Variants in ZPBP observed in about 807,000 individuals in gnomAD.
ZPBP encodes zona pellucida-binding protein 1.
Under a neutral mutation model 44.8 loss-of-function variants are expected in ZPBP, and 26 were observed. The observed-to-expected ratio is 0.58, with a 90% CI of 0.43 to 0.81. ZPBP has a LOEUF of 0.81. ZPBP is among the 30% of genes least tolerant of loss of function. The probability of loss-of-function intolerance (pLI) is 0.00; values close to 1 mark genes in which losing one functional copy is unlikely to be tolerated. For missense variants in ZPBP, 409 were observed against 434.0 expected, an observed-to-expected ratio of 0.94 and a Z score of 0.51; for synonymous variants, 174 against 153.2, an observed-to-expected ratio of 1.14 and a Z score of -1.00.
chr7:49,931,129 G>A (rs1404772776), intron 1 of ZPBP, among the ~76,000 whole-genome samples: 1 of 152,202 alleles, frequency 6.6e-6, no homozygotes, highest in African/African-American at 2.4e-5. Flanking sequence ...CCGCCATGTG[G>A]AACTGTGAGT....
At chr7:49,856,570 AT>A (rs1381987859) in intron 2 of ZPBP, among the ~76,000 whole-genome samples, 1 of 152,202 alleles carries the variant, frequency 6.6e-6, no homozygotes, top group Non-Finnish European at 1.5e-5. Context: ...TTATTGAAGT[AT>A]AATTGGTATA....
chr7:49,983,400 G>A lies in ZPBP; in HGVS notation c.903C>T (p.Arg301=), dbSNP rs764568078. Reference sequence around the variant, plus strand: ...CATTCATTCCATATCCTGGAAAGCAGCGATTAATCCAAACCATTTGGAGAG... The same window carrying A: ...CATTCATTCCATATCCTGGAAAGCAACGATTAATCCAAACCATTTGGAGAG... ...EGTLQMVWIN[R]CFPGYGMNVQ... Residue 301 remains arginine, a synonymous_variant, in exon 7 of 8, where the codon CGC becomes CGT. Coordinates refer to ENST00000046087, the MANE Select transcript of ZPBP (RefSeq NM_007009.3). The A allele has an allele frequency of 6.2e-7, 1 of 1,613,434 alleles. No homozygotes were observed. Among genetic ancestry groups the A allele is most frequent in the Non-Finnish European group, 8.5e-7 (1 of 1,179,664 alleles).
chr7:49,924,527 A>G (rs1044864433), intron 1 of ZPBP, among the ~76,000 whole-genome samples: 4 of 152,206 alleles, frequency 2.6e-5, no homozygotes, highest in African/African-American at 9.6e-5. Flanking sequence ...CATATGTTGC[A>G]AATTAAGAAA....
chr7:49,873,696 A>G (rs564469930), intron 2 of ZPBP, among the ~76,000 whole-genome samples: 40 of 152,312 alleles, frequency 2.6e-4, no homozygotes, highest in African/African-American at 9.1e-4. Context: ...TGATAAAGAG[A>G]TGCTCTCATG....
At chr7:49,989,612 TATC>T (rs1797471775) in intron 6 of ZPBP, among the ~76,000 whole-genome samples, 1 of 152,222 alleles carries the variant, frequency 6.6e-6, no homozygotes, top group African/African-American at 2.4e-5. Context: ...TTTCAAAACT[TATC>T]ATACATTTGT....
At chr7:49,867,623 G>A (rs574932667) in intron 2 of ZPBP, among the ~76,000 whole-genome samples, 2 of 152,138 alleles carry the variant, frequency 1.3e-5, no homozygotes, top group Non-Finnish European at 2.9e-5. Context: ...AGACATCTGA[G>A]GCATTCACCC....
rs1045412776 is a variant in ZPBP at position 49,887,940 on chromosome 7, G to A, written n.509+13178C>T. Among the ~76,000 whole-genome samples, 4 of 152,124 alleles carry A rather than the reference G, an allele frequency of 2.6e-5. No individual in the cohort carries two copies. In the South Asian group the frequency reaches 6.2e-4, roughly 24 times the overall value. ...TTCTCCAATCTATGTTTATTCATTC[G>A]CTTATTTACATTTGTGTATCTGTAG... On this transcript the variant is annotated intron_variant and non_coding_transcript_variant, in intron 2 of 2. Transcript: ENST00000465922.
At chr7:50,032,501 A>C (rs1440143602) in intron 4 of ZPBP, among the ~76,000 whole-genome samples, 1 of 152,202 alleles carries the variant, frequency 6.6e-6, no homozygotes, top group African/African-American at 2.4e-5. Context: ...ACTGTATCAA[A>C]AGTATACTCT....
At chr7:49,939,836 C>T (rs1477639912) in intron 7 of ZPBP, among the ~76,000 whole-genome samples, 1 of 152,144 alleles carries the variant, frequency 6.6e-6, no homozygotes, top group Non-Finnish European at 1.5e-5. Flanking sequence ...TGAGTGGTCA[C>T]ATACTTTGTG....
intron 5 of ZPBP, 74 bp from the exon 6 acceptor site, chr7:50,018,390 T>C: frequency 8.5e-7 from 1 of 1,173,594 alleles, no homozygotes. Flanking sequence ...TTTTGAAAAA[T>C]GAAAGGATAT....
intron 7 of ZPBP, among the ~76,000 whole-genome samples, chr7:49,951,427 C>T (rs544229114): frequency 1.5e-4 from 22 of 151,550 alleles, no homozygotes; most frequent in Admixed American, 5.9e-4. Flanking sequence ...AAAAAAGATA[C>T]ACAAATGGCC....
chr7:50,065,621 T>A (rs1339684264), intron 3 of ZPBP, among the ~76,000 whole-genome samples: 1 of 150,820 alleles, frequency 6.6e-6, no homozygotes, highest in African/African-American at 2.5e-5. Context: ...TGGCATTAAT[T>A]TTTTTGCCTC....
intron 2 of ZPBP, among the ~76,000 whole-genome samples, chr7:49,856,590 T>C (rs1454387986): frequency 1.3e-5 from 2 of 152,222 alleles, no homozygotes; most frequent in African/African-American, 4.8e-5. Flanking sequence ...TATAAAAAAC[T>C]TCACACAATT....
intron 4 of ZPBP, among the ~76,000 whole-genome samples, chr7:50,036,369 C>T (rs1799827346): frequency 6.6e-6 from 1 of 152,106 alleles, no homozygotes; most frequent in Non-Finnish European, 1.5e-5. Flanking sequence ...CCAGGCTGGA[C>T]TTGAACTCCT....
intron 1 of ZPBP, among the ~76,000 whole-genome samples, chr7:49,904,654 A>G (rs1167962094): frequency 1.3e-5 from 2 of 152,170 alleles, no homozygotes; most frequent in Non-Finnish European, 2.9e-5. Context: ...ATTCAAAAAG[A>G]ACTTACCTAT....
chr7:49,920,768 A>G lies in ZPBP; in HGVS notation n.411+14983T>C, dbSNP rs570827335. 8 of 152,304 alleles carry G rather than the reference A, an allele frequency of 5.3e-5. No homozygotes were observed. In the South Asian group the frequency reaches 1.7e-3, roughly 32 times the overall value. The allele number at this position is 152,304 out of a possible 1,614,324, so 9.4% of individuals were successfully genotyped here. ...TTTTAAATACTTATTCCATAAACTC[A>G]GTATTTGAAAACTTAAAAAAAAAGT... On this transcript the variant is annotated intron_variant and non_coding_transcript_variant, in intron 1 of 2. Coordinates refer to the ZPBP transcript ENST00000465922.
chr7:50,047,612 TAG>T (rs1182231001), intron 4 of ZPBP, among the ~76,000 whole-genome samples: 1 of 146,994 alleles, frequency 6.8e-6, no homozygotes, highest in African/African-American at 2.5e-5. Flanking sequence ...AGAATAAAAC[TAG>T]GGACTGAGTA....
chr7:49,982,294 A>T (rs1797045495), intron 7 of ZPBP, among the ~76,000 whole-genome samples: 1 of 90,862 alleles, frequency 1.1e-5, no homozygotes, highest in Non-Finnish European at 2.1e-5. Flanking sequence ...TATACATAAT[A>T]TATATAATAT....
chr7:50,013,988 GTAACTACTA>G (rs1461977738), intron 6 of ZPBP, among the ~76,000 whole-genome samples: 2 of 151,954 alleles, frequency 1.3e-5, no homozygotes, highest in East Asian at 3.9e-4. Context: ...TTCTGTTACA[GTAACTACTA>G]CATTGCATAC....
Sources: gnomAD v4.1 joint callset for allele counts (sites outside exome capture counted in the v4.1 genomes callset) on GRCh38, gnomAD v4.1.1 for gene constraint, MANE v1.5 for transcripts, NCBI Gene and HGNC (gene_info 2026-07-23, HGNC 2026-07-21) for gene names.